CARD8: variants seen among roughly 807,000 people sequenced by gnomAD.
The protein encoded by CARD8 is caspase recruitment domain family member 8.
CARD8 carries 38 observed loss-of-function variants against 53.2 expected under a neutral mutation model. That is an observed-to-expected ratio of 0.71 (90% CI 0.55 to 0.94). The LOEUF is 0.94. CARD8 is among the 40% of genes least tolerant of loss of function. The probability of loss-of-function intolerance (pLI) is 0.00; values close to 1 mark genes in which losing one functional copy is unlikely to be tolerated. For synonymous variants in CARD8, 245 were observed against 244.9 expected (o/e 1.00, Z 0.00); for missense variants, 561 against 655.5 (o/e 0.86, Z 1.57).
chr19:48,206,371 AG>A (rs2037345607), downstream of CARD8: 1 of 446,148 alleles, frequency 2.2e-6, no homozygotes, highest in Non-Finnish European at 4.5e-6. Context: ...AGCACATTTC[AG>A]GAAGCGCCTA....
intron 3 of CARD8, among the ~76,000 whole-genome samples, chr19:48,247,777 TACACAC>T (rs374426231): frequency 3.5e-5 from 3 of 85,676 alleles, no homozygotes; most frequent in African/African-American, 1.2e-4. Context: ...TATATATATA[TACACAC>T]ACACACAATG....
chr19:48,220,685 G>A (rs1463209958), intron 11 of CARD8, among the ~76,000 whole-genome samples: 2 of 151,994 alleles, frequency 1.3e-5, no homozygotes, highest in Non-Finnish European at 2.9e-5. Flanking sequence ...AGGCCAAGGT[G>A]GGCAGATCAC....
At chr19:48,204,696 G>T (rs1175939831), downstream of CARD8, among the ~76,000 whole-genome samples, 1 of 152,122 alleles carries the variant, frequency 6.6e-6, no homozygotes, top group Non-Finnish European at 1.5e-5. Flanking sequence ...GGGGACTGTT[G>T]TCCTCTATGG....
At chr19:48,249,659 T>C (rs1790765005) in intron 2 of CARD8, 26 bp from the exon 3 acceptor site, 1 of 152,310 alleles carries the variant, frequency 6.6e-6, no homozygotes, top group South Asian at 2.1e-4. Context: ...CAAAAGAAGT[T>C]GAGAACTAGA....
Position 48,209,008 on chromosome 19 carries a change from A to T in CARD8, c.*2702T>A, listed in dbSNP as rs2037621148. On this transcript the variant is annotated 3_prime_UTR_variant, in exon 14 of 14. Coordinates refer to ENST00000651546, the MANE Select transcript of CARD8 (RefSeq NM_001184900.3). Reference sequence around the variant, plus strand: ...CAAAAAAAAAAAAAAAAAAAAAAAAATACTCAAATGTGCCAGGTGTAGTGG... The same window carrying T: ...CAAAAAAAAAAAAAAAAAAAAAAAATTACTCAAATGTGCCAGGTGTAGTGG... 1 of 118,942 alleles carries T rather than the reference A, an allele frequency of 8.4e-6. No individual in the cohort carries two copies. Among genetic ancestry groups the T allele is most frequent in the Non-Finnish European group, 1.9e-5 (1 of 54,046 alleles). 7.4% of individuals were successfully genotyped at this position (118,942 alleles called of 1,614,324 possible).
At chr19:48,248,996 G>A (rs367803346) in intron 3 of CARD8, among the ~76,000 whole-genome samples, 9 of 152,246 alleles carry the variant, frequency 5.9e-5, no homozygotes, top group African/African-American at 1.2e-4. Flanking sequence ...TCAGGAGTTC[G>A]AAGCCAGACT....
chr19:48,206,654 A>C, downstream of CARD8: 1 of 372,034 alleles, frequency 2.7e-6, no homozygotes, highest in Non-Finnish European at 5.4e-6. Context: ...CTTAATGAAA[A>C]CTCTAAAGAG....
At chr19:48,235,817 G>GA (rs1186959571) in intron 5 of CARD8, among the ~76,000 whole-genome samples, 4 of 143,870 alleles carry the variant, frequency 2.8e-5, no homozygotes, top group Non-Finnish European at 6.1e-5. Context: ...CCAAACTGTA[G>GA]AAAAAAATCA....
intron 1 of CARD8, among the ~76,000 whole-genome samples, chr19:48,254,760 G>A (rs373822713): frequency 6.6e-5 from 10 of 152,090 alleles, no homozygotes; most frequent in African/African-American, 2.2e-4. Flanking sequence ...GACAAATAGA[G>A]CCAGGAAGGC....
chr19:48,215,301 C>CA, intron 13 of CARD8, 39 bp downstream of exon 13: 1 of 1,492,008 alleles, frequency 6.7e-7, no homozygotes, highest in Non-Finnish European at 9.3e-7. Context: ...CTTGATGTCT[C>CA]ATACATACCC....
At chr19:48,234,220 G>C in intron 6 of CARD8, 183 bp downstream of exon 6, 1 of 591,232 alleles carries the variant, frequency 1.7e-6, no homozygotes. Context: ...CACCTCCATG[G>C]AAGAAAACCT....
chr19:48,214,769 CTTTT>C lies in CARD8; in HGVS notation c.1348+567_1348+570del, dbSNP rs531199248. Among the ~76,000 whole-genome samples, 74 of 89,564 alleles carry C rather than the reference CTTTT, an allele frequency of 8.3e-4. 6 individuals carry two copies. Among genetic ancestry groups the C allele is most frequent in the African/African-American group, 3.2e-3 (65 of 20,582 alleles). 58.8% of individuals were successfully genotyped at this position (89,564 alleles called of 152,430 possible). The stretch of plus-strand genomic sequence containing the variant: ...CCTTCCTTTCATTCCTGCTATAAAG[CTTTT>C]TTTTTTTTTTTTTTTTTTTTTTTTT... On this transcript the variant is annotated intron_variant, in intron 13 of 13. Coordinates refer to ENST00000651546, the MANE Select transcript of CARD8 (RefSeq NM_001184900.3).
chr19:48,253,987 C>T (rs2047262599), intron 1 of CARD8, among the ~76,000 whole-genome samples: 1 of 152,156 alleles, frequency 6.6e-6, no homozygotes, highest in Admixed American at 6.5e-5. Flanking sequence ...CTATCTCAAG[C>T]ATAGAGGAAA....
Position 48,209,357 on chromosome 19 carries a change from G to C in CARD8, c.*2353C>G, listed in dbSNP as rs1971785. 0.86 allele frequency: 130,903 copies of C among 151,948 alleles called. 56,569 individuals carry two copies. The highest frequency in any genetic ancestry group is 0.91 in the South Asian group (4,390 of 4,816). 9.4% of individuals were successfully genotyped at this position (151,948 alleles called of 1,614,324 possible). Reference sequence around the variant, plus strand: ...CATTTGCAGGAAAATAGAATATAAGGCAAGAAATTTAAAATATAGAGAACA... The same window carrying C: ...CATTTGCAGGAAAATAGAATATAAGCCAAGAAATTTAAAATATAGAGAACA... On this transcript the variant is annotated 3_prime_UTR_variant, in exon 14 of 14. Coordinates refer to ENST00000651546, the MANE Select transcript of CARD8 (RefSeq NM_001184900.3).
At position 48,231,738 on chromosome 19, in the gene CARD8, T is replaced by C. The variant is rs1347801931; in HGVS notation, c.464A>G (p.Asp155Gly). 15 of 1,613,720 alleles carry C rather than the reference T, an allele frequency of 9.3e-6. No individual in the cohort carries two copies. The highest frequency in any genetic ancestry group is 1.3e-5 in the Non-Finnish European group (15 of 1,179,806). Residue 155 changes from aspartate (D) to glycine (G), a missense_variant, in exon 8 of 14, where the codon GAT becomes GGT. By Grantham distance (94) the Asp-to-Gly change is moderately conservative. Coordinates refer to ENST00000651546, the MANE Select transcript of CARD8 (RefSeq NM_001184900.3). ...ASKVCFEIEE[D>G]YKNRQFLGPE... is the part of the protein sequence containing the mutation. ...CCCCAGAAACTGACGATTTTTATAATCTTCTTCGATCTCAAAACAGACTTT... is the reference window on the plus strand; with the variant it reads ...CCCCAGAAACTGACGATTTTTATAACCTTCTTCGATCTCAAAACAGACTTT...
Position 48,238,189 on chromosome 19 carries a change from A to T in CARD8, c.209+194T>A, listed in dbSNP as rs528633854. The stretch of plus-strand genomic sequence containing the variant: ...TACAGGTGTGAGCCACTGGGCTCAG[A>T]CCTTTTTTCCCTACTTCTTATGAGA... On this transcript the variant is annotated intron_variant, in intron 5 of 13. Coordinates refer to ENST00000651546, the MANE Select transcript of CARD8 (RefSeq NM_001184900.3). The T allele has an allele frequency of 2.2e-5, 23 of 1,042,928 alleles. No homozygotes were observed. The African/African-American group carries it at 3.7e-4, about 17-fold the overall frequency. The allele number at this position is 1,042,928 out of a possible 1,614,324, so 64.6% of individuals were successfully genotyped here.
rs372525886 is a variant in CARD8, at chr19:48,252,184, T to C, written c.-251-2337A>G. ...TGATCTCAAACCCCATACTTTCTTC[T>C]GCAGCTGGGAAGTCTCCATGATGAC... On this transcript the variant is annotated intron_variant, in intron 1 of 13. Coordinates refer to ENST00000651546, the MANE Select transcript of CARD8 (RefSeq NM_001184900.3). 7.1e-4 allele frequency among the ~76,000 whole-genome samples: 108 copies of C among 152,280 alleles called. 2 individuals are homozygous for C. Among genetic ancestry groups the C allele is most frequent in the South Asian group, 1.2e-3 (6 of 4,834 alleles).
intron 8 of CARD8, 128 bp from the exon 9 acceptor site, chr19:48,231,134 T>A: frequency 1.4e-6 from 1 of 702,116 alleles, no homozygotes; most frequent in South Asian, 1.7e-5. Context: ...TTCACTACAT[T>A]AGAAAACGCT....
At chr19:48,223,960 C>A in intron 10 of CARD8, 1 of 447,658 alleles carries the variant, frequency 2.2e-6, no homozygotes, top group Non-Finnish European at 4.5e-6. Context: ...TACTGCAACC[C>A]CCAAATGCAA....
Sources: gnomAD v4.1 joint callset for allele counts (sites outside exome capture counted in the v4.1 genomes callset) on GRCh38, gnomAD v4.1.1 for gene constraint, MANE v1.5 for transcripts, NCBI Gene and HGNC (gene_info 2026-07-23, HGNC 2026-07-21) for gene names.